The following PRICKLE1 variants were observed in gnomAD, a reference collection of about 807,000 sequenced individuals.
PRICKLE1 encodes the protein prickle planar cell polarity protein 1, also known as prickle-like protein 1.
In PRICKLE1, 14 loss-of-function variants were observed where a neutral mutation model predicts 70.2. That is an observed-to-expected ratio of 0.20 (90% CI 0.13 to 0.31). The LOEUF is 0.31. Among genes scored for constraint, PRICKLE1 ranks in the 10% least tolerant of loss-of-function variants. The probability of loss-of-function intolerance (pLI) is 1.00; values close to 1 mark genes in which losing one functional copy is unlikely to be tolerated. For missense variants in PRICKLE1, 821 were observed against 1,026.2 expected (o/e 0.80, Z 2.73); for synonymous variants, 357 against 379.9 (o/e 0.94, Z 0.70).
chr12:42,510,072 C>T (rs766945711), intron 1 of PRICKLE1, among the ~76,000 whole-genome samples: 70 of 128,508 alleles, frequency 5.4e-4, no homozygotes, highest in African/African-American at 1.9e-3. Flanking sequence ...GACTCTGTCT[C>T]AAAAAAAAAA....
At chr12:42,587,024 GA>G (rs1380159954) in intron 1 of PRICKLE1, among the ~76,000 whole-genome samples, 1 of 152,130 alleles carries the variant, frequency 6.6e-6, no homozygotes, top group Non-Finnish European at 1.5e-5. Flanking sequence ...TTATCTGGGG[GA>G]CTCAAGCTGA....
At chr12:42,561,905 CTTTTTTT>C (rs60450733) in intron 1 of PRICKLE1, among the ~76,000 whole-genome samples, 17 of 87,228 alleles carry the variant, frequency 1.9e-4, no homozygotes, top group Admixed American at 3.0e-4. Context: ...TTTTTCTTTT[CTTTTTTT>C]TTTTTTTTTT....
chr12:42,584,809 T>C (rs1038718638), intron 1 of PRICKLE1, among the ~76,000 whole-genome samples: 6 of 152,000 alleles, frequency 3.9e-5, no homozygotes, highest in Non-Finnish European at 7.4e-5. Context: ...TGAGCAAGAG[T>C]GCTCGGCATG....
At chr12:42,578,199 C>T (rs886145573) in intron 1 of PRICKLE1, among the ~76,000 whole-genome samples, 5 of 152,098 alleles carry the variant, frequency 3.3e-5, no homozygotes, top group African/African-American at 1.2e-4. Context: ...CTCTGGAACT[C>T]GAGACATTAA....
intron 1 of PRICKLE1, among the ~76,000 whole-genome samples, chr12:42,535,528 A>G (rs999269569): frequency 3.9e-5 from 6 of 152,244 alleles, no homozygotes; most frequent in Non-Finnish European, 8.8e-5. Flanking sequence ...CCTAAATTTT[A>G]TGACCATTGA....
At chr12:42,521,521 GA>G (rs1390095729) in intron 1 of PRICKLE1, among the ~76,000 whole-genome samples, 1 of 152,098 alleles carries the variant, frequency 6.6e-6, no homozygotes, top group Non-Finnish European at 1.5e-5. Flanking sequence ...GCAACCTGGT[GA>G]AACCCTGTCT....
intron 1 of PRICKLE1, among the ~76,000 whole-genome samples, chr12:42,475,451 G>C (rs1230449847): frequency 1.3e-5 from 2 of 152,150 alleles, no homozygotes; most frequent in Non-Finnish European, 2.9e-5. Flanking sequence ...AGGTCAGTAA[G>C]TGGTCTTAGG....
At chr12:42,506,133 T>TC (rs397967897) in intron 1 of PRICKLE1, among the ~76,000 whole-genome samples, 1 of 151,606 alleles carries the variant, frequency 6.6e-6, no homozygotes, top group Admixed American at 6.6e-5. Context: ...CTCTCAGGAC[T>TC]TTTATGAAAA....
intron 1 of PRICKLE1, among the ~76,000 whole-genome samples, chr12:42,564,646 T>C (rs1940592992): frequency 6.6e-6 from 1 of 152,162 alleles, no homozygotes; most frequent in African/African-American, 2.4e-5. Context: ...CTTGAGGTCA[T>C]ATTTTAAATT....
chr12:42,512,577 C>T (rs1482160089), intron 1 of PRICKLE1, among the ~76,000 whole-genome samples: 1 of 152,176 alleles, frequency 6.6e-6, no homozygotes, highest in African/African-American at 2.4e-5. Flanking sequence ...TCTCCCTATT[C>T]CACATTCTTC....
chr12:42,542,220 G>A (rs973041077), intron 1 of PRICKLE1, among the ~76,000 whole-genome samples: 18 of 152,134 alleles, frequency 1.2e-4, no homozygotes, highest in African/African-American at 4.1e-4. Context: ...ATGTCACCAA[G>A]ATATGGCTTG....
intron 1 of PRICKLE1, among the ~76,000 whole-genome samples, chr12:42,521,128 G>A (rs896451202): frequency 1.3e-5 from 2 of 151,966 alleles, no homozygotes; most frequent in African/African-American, 2.4e-5. Context: ...CCAAGATTGC[G>A]CCACTGCACT....
At chr12:42,570,305 T>G (rs1940686269) in intron 1 of PRICKLE1, among the ~76,000 whole-genome samples, 1 of 152,264 alleles carries the variant, frequency 6.6e-6, no homozygotes. Context: ...TGAAAGCAGC[T>G]GAACTGGTTT....
intron 7 of PRICKLE1, among the ~76,000 whole-genome samples, chr12:42,461,158 G>A (rs543158058): frequency 6.6e-6 from 1 of 152,348 alleles, no homozygotes; most frequent in Admixed American, 6.5e-5. Context: ...TGGGTTTACA[G>A]GTATGAGCCA....
At chr12:42,575,866 T>C (rs1331155776) in intron 1 of PRICKLE1, among the ~76,000 whole-genome samples, 1 of 152,188 alleles carries the variant, frequency 6.6e-6, no homozygotes, top group Non-Finnish European at 1.5e-5. Flanking sequence ...CTCAATAATC[T>C]CTTCCTCTTT....
chr12:42,472,939 G>A (rs191932529), intron 1 of PRICKLE1, among the ~76,000 whole-genome samples: 31 of 152,184 alleles, frequency 2.0e-4, no homozygotes, highest in Admixed American at 1.9e-3. Flanking sequence ...AAGAAGTGTC[G>A]GGGTCAGGCT....
chr12:42,517,874 A>G (rs1430213877), intron 1 of PRICKLE1, among the ~76,000 whole-genome samples: 2 of 151,870 alleles, frequency 1.3e-5, no homozygotes. Context: ...TTTTTTCTGT[A>G]TAATAGATGG....
At chr12:42,521,277 G>C (rs1369247390) in intron 1 of PRICKLE1, among the ~76,000 whole-genome samples, 1 of 152,112 alleles carries the variant, frequency 6.6e-6, no homozygotes, top group East Asian at 1.9e-4. Flanking sequence ...AAAGTCCAAA[G>C]AATAGTGGCA....
At chr12:42,571,669 G>T (rs1439288775) in intron 1 of PRICKLE1, among the ~76,000 whole-genome samples, 1 of 152,226 alleles carries the variant, frequency 6.6e-6, no homozygotes, top group Non-Finnish European at 1.5e-5. Flanking sequence ...GAGGAATTCA[G>T]GTGTCCTGGG....
Sources: gnomAD v4.1 joint callset for allele counts (sites outside exome capture counted in the v4.1 genomes callset) on GRCh38, gnomAD v4.1.1 for gene constraint, MANE v1.5 for transcripts, NCBI Gene and HGNC (gene_info 2026-07-23, HGNC 2026-07-21) for gene names.